The following SHC3 variants were observed in gnomAD, a reference collection of about 807,000 sequenced individuals.
SHC3 encodes the protein SHC adaptor protein 3.
SHC3 carries 15 observed loss-of-function variants against 60.4 expected under a neutral mutation model. The observed-to-expected ratio is 0.25, with a 90% CI of 0.17 to 0.38. SHC3 has a LOEUF of 0.38. Among genes scored for constraint, SHC3 ranks in the 10% least tolerant of loss-of-function variants. The pLI is 1.00. For synonymous variants in SHC3, 294 were observed against 325.9 expected (o/e 0.90, Z 1.05); for missense variants, 677 against 786.1 (o/e 0.86, Z 1.66).
chr9:89,015,290 C>T (rs1232341042), intron 11 of SHC3, among the ~76,000 whole-genome samples: 1 of 152,202 alleles, frequency 6.6e-6, no homozygotes, highest in African/African-American at 2.4e-5. Flanking sequence ...CTGACACTCA[C>T]GTAAGTTCTG....
chr9:89,165,338 G>A (rs1318575682), intron 1 of SHC3, among the ~76,000 whole-genome samples: 1 of 152,014 alleles, frequency 6.6e-6, no homozygotes, highest in Admixed American at 6.6e-5. Context: ...GATTATCTCT[G>A]AGAAGAATAA....
chr9:89,140,343 C>A (rs571665157), intron 1 of SHC3, among the ~76,000 whole-genome samples: 8 of 152,106 alleles, frequency 5.3e-5, no homozygotes, highest in Admixed American at 5.2e-4. Flanking sequence ...ATTCCCCCCC[C>A]CAGATTAAGG....
chr9:89,075,610 T>G (rs1286081145), intron 3 of SHC3, among the ~76,000 whole-genome samples: 2 of 152,146 alleles, frequency 1.3e-5, no homozygotes, highest in Non-Finnish European at 2.9e-5. Flanking sequence ...TCACACCTAC[T>G]TCAGAGGAAG....
chr9:89,087,456 C>T (rs1477776740), intron 2 of SHC3, among the ~76,000 whole-genome samples: 1 of 152,148 alleles, frequency 6.6e-6, no homozygotes, highest in East Asian at 1.9e-4. Context: ...GTGTGATGGC[C>T]TCCCCCTGCT....
At chr9:89,097,582 G>T (rs538008498) in intron 2 of SHC3, among the ~76,000 whole-genome samples, 4 of 152,308 alleles carry the variant, frequency 2.6e-5, no homozygotes, top group African/African-American at 9.6e-5. Context: ...TTCTGAGCTG[G>T]TGCTCTTAGC....
In SHC3 at chr9:89,098,743, G is replaced by A. The variant is rs573629678; in HGVS notation, c.545+13813C>T. Among the ~76,000 whole-genome samples the A allele has an allele frequency of 1.5e-4, 23 of 152,128 alleles. 1 individual carries two copies. The highest frequency in any genetic ancestry group is 4.1e-4 in the South Asian group (2 of 4,822). On this transcript the variant is annotated intron_variant, in intron 2 of 11. Coordinates refer to ENST00000375835, the MANE Select transcript of SHC3 (RefSeq NM_016848.6). ...GGAGAACAGCGTGAACCTGGGAGGC[G>A]GAGCTTGCAATGAGCTGAGATTGCG...
At chr9:89,062,595 G>A (rs571676425) in intron 6 of SHC3, among the ~76,000 whole-genome samples, 1 of 152,310 alleles carries the variant, frequency 6.6e-6, no homozygotes, top group South Asian at 2.1e-4. Context: ...CAGCATCGAG[G>A]GACTTGAACC....
At chr9:89,110,335 A>G in intron 2 of SHC3, 5 of 984,862 alleles carry the variant, frequency 5.1e-6, no homozygotes, top group Non-Finnish European at 6.0e-6. Flanking sequence ...GTGTGACTGG[A>G]GTGCCTTTGG....
chr9:89,024,583 T>C (rs952410456), intron 11 of SHC3, among the ~76,000 whole-genome samples: 1 of 152,266 alleles, frequency 6.6e-6, no homozygotes, highest in Non-Finnish European at 1.5e-5. Context: ...CTCTGTAAGA[T>C]GGCTATCGCG....
chr9:89,138,444 G>A (rs1388405827), intron 1 of SHC3, among the ~76,000 whole-genome samples: 1 of 152,192 alleles, frequency 6.6e-6, no homozygotes, highest in Non-Finnish European at 1.5e-5. Flanking sequence ...TTCGTGAACT[G>A]TCATGGAGCT....
At chr9:89,095,770 T>G (rs1467984732) in intron 2 of SHC3, among the ~76,000 whole-genome samples, 1 of 152,112 alleles carries the variant, frequency 6.6e-6, no homozygotes, top group Non-Finnish European at 1.5e-5. Context: ...CAAACTGACT[T>G]TCATATTGAT....
At chr9:89,037,900 T>C in intron 11 of SHC3, 93 bp downstream of exon 11, 1 of 1,467,208 alleles carries the variant, frequency 6.8e-7, no homozygotes, top group Non-Finnish European at 9.2e-7. Context: ...TGGATAGAGG[T>C]GGGAATGTGG....
At chr9:89,089,525 G>C (rs552505275) in intron 2 of SHC3, among the ~76,000 whole-genome samples, 2 of 152,254 alleles carry the variant, frequency 1.3e-5, no homozygotes, top group South Asian at 2.1e-4. Context: ...TTAGGCAAGG[G>C]GGCAGCTGCT....
At chr9:89,116,700 A>G (rs1411327281) in intron 1 of SHC3, among the ~76,000 whole-genome samples, 1 of 152,178 alleles carries the variant, frequency 6.6e-6, no homozygotes, top group East Asian at 1.9e-4. Flanking sequence ...TGAGTTATGT[A>G]AATATCGCCA....
intron 5 of SHC3, among the ~76,000 whole-genome samples, chr9:89,069,668 G>A (rs1825238207): frequency 6.6e-6 from 1 of 152,228 alleles, no homozygotes; most frequent in African/African-American, 2.4e-5. Context: ...TGGGGTCACT[G>A]AGAAGCAGCA....
Position 89,052,043 on chromosome 9 carries a change from T to C in SHC3, c.956A>G (p.His319Arg), listed in dbSNP as rs200942371. Reference protein sequence around the residue: ...LQCPTKIPALHDRMQSLDEPW... With the variant: ...LQCPTKIPALRDRMQSLDEPW... ...GTGTCACAGCACTACTCACCGATCATGGAGAGCGGGAATCTTGGTAGGACA... is the reference window on the plus strand; with the variant it reads ...GTGTCACAGCACTACTCACCGATCACGGAGAGCGGGAATCTTGGTAGGACA... Residue 319 changes from histidine (H) to arginine (R), a missense_variant, in exon 7 of 12, where the codon CAT becomes CGT. Transcript: ENST00000375835. The C allele has an allele frequency of 8.1e-6, 13 of 1,613,628 alleles. No individual in the cohort carries two copies. The highest frequency in any genetic ancestry group is 3.3e-5 in the South Asian group (3 of 91,074).
At chr9:89,175,061 C>T (rs1279086473) in intron 1 of SHC3, among the ~76,000 whole-genome samples, 3 of 152,142 alleles carry the variant, frequency 2.0e-5, no homozygotes, top group Admixed American at 6.6e-5. Context: ...TCTTTTAGGT[C>T]CAAATATCAA....
intron 6 of SHC3, among the ~76,000 whole-genome samples, chr9:89,059,832 G>A (rs1400749153): frequency 2.7e-5 from 3 of 111,968 alleles, no homozygotes; most frequent in Non-Finnish European, 3.7e-5. Flanking sequence ...GGTGGAGGAT[G>A]TCATATAGGA....
At chr9:89,145,577 G>A (rs1014268233) in intron 1 of SHC3, among the ~76,000 whole-genome samples, 4 of 152,218 alleles carry the variant, frequency 2.6e-5, no homozygotes, top group African/African-American at 7.2e-5. Flanking sequence ...CTGTTCCGGT[G>A]TCCATCAAAT....
Sources: allele counts gnomAD v4.1 joint callset (sites outside exome capture counted in the v4.1 genomes callset), GRCh38; gene constraint gnomAD v4.1.1; transcripts MANE v1.5; gene names NCBI Gene and HGNC (gene_info 2026-07-23, HGNC 2026-07-21).